Variants in PUDP observed in about 807,000 individuals in gnomAD.
The protein encoded by PUDP is pseudouridine 5'-phosphatase.
Under a neutral mutation model 9.4 loss-of-function variants are expected in PUDP, and 8 were observed. That is an observed-to-expected ratio of 0.85 (90% CI 0.50 to 1.53). The LOEUF is 1.53. PUDP is among the 40% of genes most tolerant of loss of function. PUDP has a pLI of 0.00. For missense variants in PUDP, 188 were observed against 189.7 expected (o/e 0.99, Z 0.05); for synonymous variants, 99 against 80.7 (o/e 1.23, Z -1.22).
At chrX:6,747,314 C>A (rs1026502101) in intron 3 of PUDP, among the ~76,000 whole-genome samples, 1 of 111,894 alleles carries the variant, frequency 8.9e-6, no homozygotes, top group African/African-American at 3.2e-5. Context: ...GTTTTTCACC[C>A]TTATTCTCAG....
intron 3 of PUDP, among the ~76,000 whole-genome samples, chrX:7,063,621 T>A (rs999737823): frequency 9.0e-6 from 1 of 111,399 alleles, no homozygotes; most frequent in African/African-American, 3.3e-5. Context: ...GATAATTATG[T>A]TTTTTAAATA....
chrX:6,999,103 C>T (rs1032979300), intron 1 of PUDP, among the ~76,000 whole-genome samples: 24 of 111,158 alleles, frequency 2.2e-4, no homozygotes, highest in African/African-American at 7.5e-4. Flanking sequence ...GCCATGCAAT[C>T]GCCATAGTAC....
intron 3 of PUDP, among the ~76,000 whole-genome samples, chrX:6,859,148 T>C (rs766844862): frequency 8.9e-6 from 1 of 111,991 alleles, no homozygotes; most frequent in Admixed American, 9.5e-5. Flanking sequence ...TCTGCCATGA[T>C]TGTGAGGCCT....
chrX:6,938,786 CTTTTTTTTT>C (rs764265665), intron 3 of PUDP, among the ~76,000 whole-genome samples: 1 of 83,437 alleles, frequency 1.2e-5, no homozygotes, highest in Non-Finnish European at 2.3e-5. Flanking sequence ...TTCTTTCTTT[CTTTTTTTTT>C]TTTTTTTTTG....
chrX:6,786,515 G>T (rs1925650505), intron 3 of PUDP, among the ~76,000 whole-genome samples: 1 of 112,404 alleles, frequency 8.9e-6, no homozygotes, highest in South Asian at 3.7e-4. Context: ...CCTCTTCTCT[G>T]CAATAGCATC....
intron 3 of PUDP, among the ~76,000 whole-genome samples, chrX:6,856,295 A>C (rs757814168): frequency 8.9e-6 from 1 of 111,801 alleles, no homozygotes; most frequent in East Asian, 2.8e-4. Flanking sequence ...GGGATTTAGA[A>C]GTAATTAGAC....
At chrX:7,068,472 T>C (rs905899395) in intron 3 of PUDP, among the ~76,000 whole-genome samples, 1 of 111,635 alleles carries the variant, frequency 9.0e-6, no homozygotes. Flanking sequence ...GAGGAGTCTG[T>C]GTTCTCAGGC....
rs902210881 is a variant in PUDP, at chrX:6,801,487, A to G, written c.*248-95021T>C. Among the ~76,000 whole-genome samples, 3 of 112,431 alleles carry G rather than the reference A, an allele frequency of 2.7e-5. No individual in the cohort carries two copies. In the Admixed American group the frequency reaches 2.8e-4, roughly 11 times the overall value. On this transcript the variant is annotated intron_variant and NMD_transcript_variant, in intron 3 of 3. Transcript: ENST00000655425. ...GGAGAAGGTGAGGGGAGAAAAGGCC[A>G]ATGCTGGCAGGGTAGAACGTGTCAT...
intron 1 of PUDP, among the ~76,000 whole-genome samples, chrX:6,991,740 A>G: frequency 9.1e-6 from 1 of 110,342 alleles, no homozygotes; most frequent in East Asian, 2.8e-4. Context: ...GCTAAGTCCC[A>G]TTATTTTCCC....
chrX:6,985,711 CG>C (rs1018501545), intron 1 of PUDP, among the ~76,000 whole-genome samples: 2 of 111,213 alleles, frequency 1.8e-5, no homozygotes, highest in African/African-American at 6.6e-5. Flanking sequence ...GCCTTCCACA[CG>C]GCCCATCTGG....
At chrX:6,850,695 G>T (rs1345090843) in intron 3 of PUDP, among the ~76,000 whole-genome samples, 9 of 112,314 alleles carry the variant, frequency 8.0e-5, no homozygotes, top group African/African-American at 2.9e-4. Flanking sequence ...ATCCCCGAAG[G>T]AGTGAAAAAT....
At chrX:6,970,350 G>T (rs1425483389) in intron 3 of PUDP, among the ~76,000 whole-genome samples, 1 of 111,793 alleles carries the variant, frequency 8.9e-6, no homozygotes, top group Non-Finnish European at 1.9e-5. Flanking sequence ...ATGACTATCT[G>T]CAAAGGGCCT....
chrX:6,832,465 A>G (rs1926517180), intron 3 of PUDP, among the ~76,000 whole-genome samples: 1 of 112,176 alleles, frequency 8.9e-6, no homozygotes, highest in Non-Finnish European at 1.9e-5. Flanking sequence ...TGGTAAACAA[A>G]AAACAAAAAG....
chrX:6,932,869 G>A (rs375995806), intron 3 of PUDP, among the ~76,000 whole-genome samples: 181 of 109,627 alleles, frequency 1.7e-3, no homozygotes, highest in Middle Eastern at 4.6e-3. Flanking sequence ...GCTGATTGCT[G>A]GCACAGCAGT....
intron 3 of PUDP, among the ~76,000 whole-genome samples, chrX:7,068,419 A>G (rs914671392): frequency 9.0e-6 from 1 of 111,674 alleles, no homozygotes; most frequent in Non-Finnish European, 1.9e-5. Context: ...CTGCTTCCGT[A>G]TATCGTGCAT....
chrX:6,761,912 C>T (rs781241477), intron 3 of PUDP, among the ~76,000 whole-genome samples: 128 of 112,133 alleles, frequency 1.1e-3, no homozygotes, highest in African/African-American at 3.9e-3. Flanking sequence ...CCTGGCCAGG[C>T]GCAGTGGCTC....
At chrX:7,105,294 A>G (rs1032261888) in intron 2 of PUDP, among the ~76,000 whole-genome samples, 15 of 111,439 alleles carry the variant, frequency 1.3e-4, no homozygotes, top group African/African-American at 4.6e-4. Context: ...AAAAGGCAAA[A>G]CCATCTATTA....
At chrX:6,770,475 T>C (rs79379416) in intron 3 of PUDP, among the ~76,000 whole-genome samples, 1 of 112,273 alleles carries the variant, frequency 8.9e-6, no homozygotes, top group African/African-American at 3.2e-5. Context: ...GAAGCCTTGG[T>C]TTTTTTGTTT....
chrX:7,145,826 C>A (rs1026364929), intron 1 of PUDP, among the ~76,000 whole-genome samples: 3 of 111,681 alleles, frequency 2.7e-5, no homozygotes, highest in African/African-American at 9.8e-5. Context: ...CATAGACAAA[C>A]AGAACTTCCT....
Sources: allele counts gnomAD v4.1 joint callset (sites outside exome capture counted in the v4.1 genomes callset), GRCh38; gene constraint gnomAD v4.1.1; transcripts MANE v1.5; gene names NCBI Gene and HGNC (gene_info 2026-07-23, HGNC 2026-07-21).